TMEM163: variants seen among roughly 807,000 people sequenced by gnomAD.
The protein encoded by TMEM163 is transmembrane protein 163.
In TMEM163, 17 loss-of-function variants were observed where a neutral mutation model predicts 29.3. The ratio of observed to expected loss-of-function variants is 0.58; its 90% CI spans 0.40 to 0.87. TMEM163 has a LOEUF of 0.87. Among genes scored for constraint, TMEM163 ranks in the 40% least tolerant of loss-of-function variants. The pLI is 0.00. For synonymous variants in TMEM163, 157 were observed against 160.6 expected (o/e 0.98, Z 0.17); for missense variants, 303 against 381.5 (o/e 0.79, Z 1.71).
At chr2:134,637,152 G>A (rs73958773) in intron 2 of TMEM163, among the ~76,000 whole-genome samples, 13,638 of 152,276 alleles carry the variant, frequency 0.09, 707 homozygotes, top group South Asian at 0.17. Flanking sequence ...GAATTGTTGG[G>A]CGATTACAAA....
intron 2 of TMEM163, among the ~76,000 whole-genome samples, chr2:134,599,686 A>T (rs1187967544): frequency 6.9e-6 from 1 of 144,342 alleles, no homozygotes; most frequent in African/African-American, 2.6e-5. Context: ...TATGTTCCCA[A>T]CTTTATCTTT....
intron 2 of TMEM163, among the ~76,000 whole-genome samples, chr2:134,682,718 T>C (rs903125702): frequency 6.6e-6 from 1 of 152,206 alleles, no homozygotes; most frequent in Admixed American, 6.5e-5. Context: ...GCAGCCACTT[T>C]GGAGGACAGT....
intron 5 of TMEM163, among the ~76,000 whole-genome samples, chr2:134,471,560 G>A (rs905860852): frequency 1.3e-5 from 2 of 152,152 alleles, no homozygotes; most frequent in Admixed American, 1.3e-4. Context: ...CCTAGTCTAC[G>A]ACATTTGTCT....
intron 6 of TMEM163, among the ~76,000 whole-genome samples, chr2:134,462,441 T>C (rs2106472834): frequency 6.6e-6 from 1 of 152,256 alleles, no homozygotes; most frequent in South Asian, 2.1e-4. Context: ...CCTGCCATGC[T>C]CTGTCCCCCC....
At chr2:134,516,416 T>A (rs577011879) in intron 4 of TMEM163, among the ~76,000 whole-genome samples, 1 of 151,706 alleles carries the variant, frequency 6.6e-6, no homozygotes, top group East Asian at 1.9e-4. Context: ...CAAAGATTAG[T>A]GAGGCGTGGT....
intron 2 of TMEM163, among the ~76,000 whole-genome samples, chr2:134,564,740 T>C (rs1681258639): frequency 1.3e-5 from 2 of 152,144 alleles, no homozygotes; most frequent in Non-Finnish European, 2.9e-5. Flanking sequence ...CCAATAAACA[T>C]ATGAAAATAT....
intron 2 of TMEM163, among the ~76,000 whole-genome samples, chr2:134,558,735 G>T (rs1056166247): frequency 6.6e-6 from 1 of 152,142 alleles, no homozygotes; most frequent in Non-Finnish European, 1.5e-5. Flanking sequence ...TCGCTGGCAG[G>T]ATTTGCAGCA....
intron 5 of TMEM163, 100 bp from the exon 6 acceptor site, chr2:134,466,325 T>C: frequency 1.1e-6 from 1 of 936,880 alleles, no homozygotes; most frequent in South Asian, 1.5e-5. Flanking sequence ...CAAGTACAAA[T>C]AGTCAGGTGT....
chr2:134,640,960 T>TTTA (rs1416913382), intron 2 of TMEM163, among the ~76,000 whole-genome samples: 4 of 152,230 alleles, frequency 2.6e-5, no homozygotes, highest in Admixed American at 6.5e-5. Flanking sequence ...GCTGTCCATG[T>TTTA]TTATGACAAA....
chr2:134,605,936 G>T (rs1344925178), intron 2 of TMEM163, among the ~76,000 whole-genome samples: 2 of 152,116 alleles, frequency 1.3e-5, no homozygotes, highest in Non-Finnish European at 1.5e-5. Flanking sequence ...AAAAAAATCT[G>T]GGACACATAC....
chr2:134,563,393 G>A (rs1446934450), intron 2 of TMEM163, among the ~76,000 whole-genome samples: 2 of 152,126 alleles, frequency 1.3e-5, no homozygotes, highest in Non-Finnish European at 2.9e-5. Flanking sequence ...GACAGAATAG[G>A]GGAACTAGAA....
At chr2:134,457,499 T>C (rs1686426895) in intron 7 of TMEM163, among the ~76,000 whole-genome samples, 1 of 152,238 alleles carries the variant, frequency 6.6e-6, no homozygotes, top group Admixed American at 6.5e-5. Flanking sequence ...AGAGCACCCT[T>C]TAGAAATGGT....
intron 2 of TMEM163, among the ~76,000 whole-genome samples, chr2:134,635,332 C>A (rs1334812113): frequency 1.3e-5 from 2 of 152,118 alleles, no homozygotes; most frequent in African/African-American, 2.4e-5. Flanking sequence ...CCCTGAGCCA[C>A]CCCCTCAGAC....
chr2:134,673,572 G>A (rs1009219820), intron 2 of TMEM163, among the ~76,000 whole-genome samples: 1 of 152,192 alleles, frequency 6.6e-6, no homozygotes, highest in Non-Finnish European at 1.5e-5. Flanking sequence ...CTGAGATGAC[G>A]AGATTAGCCC....
At chr2:134,579,842 T>C (rs1681651324) in intron 2 of TMEM163, among the ~76,000 whole-genome samples, 1 of 152,180 alleles carries the variant, frequency 6.6e-6, no homozygotes, top group African/African-American at 2.4e-5. Context: ...AGTAAACAAT[T>C]TACTGCATGG....
intron 2 of TMEM163, among the ~76,000 whole-genome samples, chr2:134,574,452 C>T (rs548223116): frequency 1.3e-5 from 2 of 152,080 alleles, no homozygotes; most frequent in South Asian, 4.2e-4. Flanking sequence ...CCCAGCTACT[C>T]GGAAGGCTAA....
At chr2:134,593,407 G>A (rs927259637) in intron 2 of TMEM163, among the ~76,000 whole-genome samples, 5 of 94,138 alleles carry the variant, frequency 5.3e-5, no homozygotes, top group East Asian at 2.0e-4. Flanking sequence ...AAAAGAGCAG[G>A]CCAAAGAGAC....
At chr2:134,504,742 A>AT (rs1679782759) in intron 4 of TMEM163, among the ~76,000 whole-genome samples, 1 of 152,202 alleles carries the variant, frequency 6.6e-6, no homozygotes. Flanking sequence ...AGAAGAGACA[A>AT]TTCAGGCAAT....
At position 134,713,377 on chromosome 2, in the gene TMEM163, G is replaced by A. The variant is rs574530140; in HGVS notation, c.203-58C>T. On this transcript the variant is annotated intron_variant, in intron 1 of 7. Coordinates refer to ENST00000281924, the MANE Select transcript of TMEM163 (RefSeq NM_030923.5). ...ATTTCCTTACTAAGAAACCCACAGC[G>A]AGAGCTACAATTTCTTACCCAAAGA... 1.5e-4 allele frequency: 247 copies of A among 1,605,326 alleles called. No individual in the cohort carries two copies. In the African/African-American group the frequency reaches 3.1e-3, roughly 20 times the overall value.
Sources: gnomAD v4.1 joint callset for allele counts (sites outside exome capture counted in the v4.1 genomes callset) on GRCh38, gnomAD v4.1.1 for gene constraint, MANE v1.5 for transcripts, NCBI Gene and HGNC (gene_info 2026-07-23, HGNC 2026-07-21) for gene names.